SLC9A8: variants seen among roughly 807,000 people sequenced by gnomAD.
SLC9A8 encodes the protein sodium/hydrogen exchanger 8.
A neutral mutation model predicts 66.6 loss-of-function variants in SLC9A8; 48 were observed. The ratio of observed to expected loss-of-function variants is 0.72; its 90% CI spans 0.57 to 0.92. The LOEUF (loss-of-function observed/expected upper bound fraction) is 0.92, where lower values mean the gene tolerates loss of function less well. Among genes scored for constraint, SLC9A8 ranks in the 40% least tolerant of loss-of-function variants. The pLI is 0.00. For synonymous variants in SLC9A8, 274 were observed against 282.6 expected (o/e 0.97, Z 0.31); for missense variants, 599 against 747.3 (o/e 0.80, Z 2.31).
In SLC9A8 at chr20:49,887,864, C is replaced by T. The variant is rs2089947060; in HGVS notation, c.1674C>T (p.Leu558=). The T allele has an allele frequency of 1.9e-6, 3 of 1,612,858 alleles. No homozygotes were observed. Among genetic ancestry groups the T allele is most frequent in the South Asian group, 1.1e-5 (1 of 90,922 alleles). Residue 558 remains leucine (L), a synonymous_variant, in exon 16 of 16, where the codon CTC becomes CTT. Transcript: ENST00000361573. ...ACGGGCGCATCCAGATGAAAACTCT[C>T]ACCAACAAGTGGTACGAGGAGGTAC... ...LHHGRIQMKT[L]TNKWYEEVRQ...
chr20:49,824,744 A>C (rs114524046), intron 3 of SLC9A8, among the ~76,000 whole-genome samples: 4 of 152,022 alleles, frequency 2.6e-5, no homozygotes, highest in African/African-American at 2.4e-5. Context: ...TAGAACCCCA[A>C]ATTTGATCAG....
chr20:49,872,518 C>T (rs1181010320), intron 10 of SLC9A8, among the ~76,000 whole-genome samples: 1 of 149,892 alleles, frequency 6.7e-6, no homozygotes, highest in Non-Finnish European at 1.5e-5. Context: ...CAGAGTCTTG[C>T]TCTGTCACCC....
intron 10 of SLC9A8, among the ~76,000 whole-genome samples, chr20:49,871,545 C>T (rs888456953): frequency 2.6e-5 from 4 of 152,202 alleles, no homozygotes; most frequent in Non-Finnish European, 5.9e-5. Context: ...CACCAACCCC[C>T]GCTTTTGTGT....
chr20:49,839,115 A>G (rs903634597), intron 3 of SLC9A8, among the ~76,000 whole-genome samples: 15 of 152,224 alleles, frequency 9.9e-5, no homozygotes, highest in Admixed American at 4.6e-4. Context: ...TAAATATTCA[A>G]CATGGAACTG....
intron 1 of SLC9A8, among the ~76,000 whole-genome samples, chr20:49,813,883 G>A (rs933061863): frequency 6.6e-5 from 10 of 152,140 alleles, no homozygotes; most frequent in African/African-American, 2.4e-4. Context: ...AGGGGAGATG[G>A]GGAAGGACGG....
At chr20:49,851,745 G>GT (rs1434122345) in intron 7 of SLC9A8, among the ~76,000 whole-genome samples, 1 of 152,152 alleles carries the variant, frequency 6.6e-6, no homozygotes, top group Non-Finnish European at 1.5e-5. Context: ...TGGAGCTTTT[G>GT]TTGTAAGACA....
At position 49,892,088 on chromosome 20, in the gene SLC9A8, A is replaced by T. The variant is rs1322776261; in HGVS notation, c.*4152A>T. On this transcript the variant is annotated 3_prime_UTR_variant, in exon 16 of 16. Transcript: ENST00000361573. ...CTTCTTGGTGGGGCTTTGGGCTGGGAGGGGAAGGCGGGTCAGAGATGGGGG... is the reference window on the plus strand; with the variant it reads ...CTTCTTGGTGGGGCTTTGGGCTGGGTGGGGAAGGCGGGTCAGAGATGGGGG... The T allele has an allele frequency of 6.6e-6, 1 of 151,954 alleles. No individual in the cohort carries two copies. The highest frequency in any genetic ancestry group is 1.5e-5 in the Non-Finnish European group (1 of 68,016). 9.4% of individuals were successfully genotyped at this position (151,954 alleles called of 1,614,324 possible).
intron 7 of SLC9A8, 123 bp from the exon 8 acceptor site, chr20:49,855,315 A>G: frequency 1.0e-6 from 1 of 986,146 alleles, no homozygotes; most frequent in Non-Finnish European, 1.5e-6. Context: ...TACCTTCTGT[A>G]ATTAATTCAG....
At chr20:49,844,916 C>A in intron 4 of SLC9A8, 120 bp from the exon 5 acceptor site, 1 of 586,038 alleles carries the variant, frequency 1.7e-6, no homozygotes. Flanking sequence ...GTTATTTAAA[C>A]ATTATATGTT....
At chr20:49,877,126 GA>G (rs113268405) in intron 11 of SLC9A8, among the ~76,000 whole-genome samples, 20,750 of 112,108 alleles carry the variant, frequency 0.19, 3,015 homozygotes, top group African/African-American at 0.44. Context: ...TGTCTCTACT[GA>G]AAAAAAAAAA....
At chr20:49,877,438 T>C (rs1224864726) in intron 11 of SLC9A8, among the ~76,000 whole-genome samples, 1 of 152,176 alleles carries the variant, frequency 6.6e-6, no homozygotes, top group Non-Finnish European at 1.5e-5. Flanking sequence ...AGAGTAAATA[T>C]TGGGCTCTTT....
At position 49,874,795 on chromosome 20, in the gene SLC9A8, C is replaced by T; in HGVS notation, c.1049C>T (p.Thr350Ile). ...GTCACCCAGATCCTCATGCAGCAGA[C>T]CCTCCGCACCGTGGCCTTCTTATGT... The part of the protein sequence containing the change: ...SPVTQILMQQ[T>I]LRTVAFLCET... Residue 350 changes from threonine (T) to isoleucine (I), a missense_variant, in exon 11 of 16, where the codon ACC becomes ATC. Physicochemically the swap from Thr to Ile is moderately conservative, Grantham distance 89. Coordinates refer to ENST00000361573, the MANE Select transcript of SLC9A8 (RefSeq NM_015266.3). 1 of 1,613,362 alleles carries T rather than the reference C, an allele frequency of 6.2e-7. No homozygotes were observed. The highest frequency in any genetic ancestry group is 8.5e-7 in the Non-Finnish European group (1 of 1,179,254).
At chr20:49,866,252 G>A (rs889416664) in intron 10 of SLC9A8, among the ~76,000 whole-genome samples, 9 of 152,152 alleles carry the variant, frequency 5.9e-5, no homozygotes, top group East Asian at 1.9e-4. Flanking sequence ...GTGTTTTTGC[G>A]TGTGGCAGTA....
intron 8 of SLC9A8, among the ~76,000 whole-genome samples, chr20:49,857,242 G>C (rs1301240310): frequency 6.6e-6 from 1 of 152,220 alleles, no homozygotes; most frequent in Non-Finnish European, 1.5e-5. Flanking sequence ...GCCAGTGTGT[G>C]TTCTGTTAGA....
At chr20:49,832,727 A>T (rs1473468213) in intron 3 of SLC9A8, among the ~76,000 whole-genome samples, 1 of 151,160 alleles carries the variant, frequency 6.6e-6, no homozygotes, top group African/African-American at 2.4e-5. Context: ...GGATTTTGAA[A>T]CATTTCTGTT....
intron 10 of SLC9A8, among the ~76,000 whole-genome samples, chr20:49,872,229 T>C (rs1015768911): frequency 2.6e-5 from 4 of 152,136 alleles, no homozygotes; most frequent in Non-Finnish European, 5.9e-5. Flanking sequence ...CAGGTGTGTC[T>C]TACAGGAAGC....
chr20:49,834,204 TATATATATATAC>T (rs1188242656), intron 3 of SLC9A8, among the ~76,000 whole-genome samples: 25 of 113,668 alleles, frequency 2.2e-4, no homozygotes, highest in African/African-American at 8.0e-4. Flanking sequence ...TATATATATA[TATATATATATAC>T]ACACACACAC....
At chr20:49,881,223 G>T (rs2089615240) in intron 13 of SLC9A8, among the ~76,000 whole-genome samples, 188 bp downstream of exon 13, 1 of 152,180 alleles carries the variant, frequency 6.6e-6, no homozygotes. Context: ...GTGAGGCTTG[G>T]TTGGAAGAGG....
intron 3 of SLC9A8, chr20:49,830,787 G>T (rs1044595089): frequency 1.1e-6 from 1 of 906,816 alleles, no homozygotes; most frequent in Non-Finnish European, 1.8e-6. Flanking sequence ...GATCACTGAG[G>T]TGCTGACCCT....
Sources: allele counts gnomAD v4.1 joint callset (sites outside exome capture counted in the v4.1 genomes callset), GRCh38; gene constraint gnomAD v4.1.1; transcripts MANE v1.5; gene names NCBI Gene and HGNC (gene_info 2026-07-23, HGNC 2026-07-21).